SLC39A11: variants seen among roughly 807,000 people sequenced by gnomAD.
SLC39A11 encodes zinc transporter ZIP11.
In SLC39A11, 33 loss-of-function variants were observed where a neutral mutation model predicts 36.1. The ratio of observed to expected loss-of-function variants is 0.91; its 90% CI spans 0.69 to 1.22. The LOEUF is 1.22. SLC39A11 is among the 50% of genes most tolerant of loss of function. The pLI, the probability that SLC39A11 is intolerant of heterozygous loss-of-function variation, is 0.00. For synonymous variants in SLC39A11, 166 were observed against 170.3 expected (o/e 0.97, Z 0.20); for missense variants, 432 against 430.3 (o/e 1.00, Z -0.03).
intron 5 of SLC39A11, among the ~76,000 whole-genome samples, chr17:72,898,591 GACAC>G (rs1227872955): frequency 1.1e-4 from 17 of 152,120 alleles, no homozygotes. Context: ...GAAAAAAAAA[GACAC>G]ACACACCCAG....
chr17:72,781,654 C>T (rs1469967712), intron 6 of SLC39A11, among the ~76,000 whole-genome samples: 1 of 152,020 alleles, frequency 6.6e-6, no homozygotes, highest in Non-Finnish European at 1.5e-5. Flanking sequence ...CTCCTGACCT[C>T]ATGTTCTGCT....
intron 7 of SLC39A11, among the ~76,000 whole-genome samples, chr17:72,718,948 T>C (rs1303453626): frequency 6.6e-6 from 1 of 151,872 alleles, no homozygotes; most frequent in Non-Finnish European, 1.5e-5. Context: ...GTAAGTCAAA[T>C]CCTGAATCTA....
At chr17:72,939,685 C>T (rs966464253) in intron 5 of SLC39A11, among the ~76,000 whole-genome samples, 3 of 152,108 alleles carry the variant, frequency 2.0e-5, no homozygotes, top group African/African-American at 7.2e-5. Context: ...CCAGGAAACG[C>T]TGGGGGCCAA....
chr17:72,663,324 A>G (rs1253555639), intron 7 of SLC39A11, among the ~76,000 whole-genome samples: 1 of 152,192 alleles, frequency 6.6e-6, no homozygotes, highest in African/African-American at 2.4e-5. Flanking sequence ...TCTTCCCATT[A>G]CCTTTTTAAA....
At chr17:72,739,772 G>A (rs76705811) in intron 6 of SLC39A11, among the ~76,000 whole-genome samples, 306 of 152,132 alleles carry the variant, frequency 2.0e-3, no homozygotes, top group Middle Eastern at 0.01. Context: ...CTTTAAAATC[G>A]ATACGCATTT....
chr17:72,982,535 G>A (rs894243348), intron 4 of SLC39A11, among the ~76,000 whole-genome samples: 1 of 152,144 alleles, frequency 6.6e-6, no homozygotes, highest in Non-Finnish European at 1.5e-5. Context: ...TCGGTCAACT[G>A]ATAAAAGTTC....
intron 6 of SLC39A11, among the ~76,000 whole-genome samples, chr17:72,808,321 C>T (rs1349184148): frequency 6.6e-6 from 1 of 152,242 alleles, no homozygotes; most frequent in Non-Finnish European, 1.5e-5. Flanking sequence ...CTTGACATGG[C>T]AGACTCCATC....
At chr17:72,973,581 C>T (rs1283615468) in intron 4 of SLC39A11, among the ~76,000 whole-genome samples, 1 of 152,044 alleles carries the variant, frequency 6.6e-6, no homozygotes, top group Non-Finnish European at 1.5e-5. Context: ...TTTTTTGAGA[C>T]AGGGTCTCAC....
intron 3 of SLC39A11, among the ~76,000 whole-genome samples, chr17:73,066,046 G>C (rs1050252325): frequency 6.6e-6 from 1 of 152,202 alleles, no homozygotes; most frequent in Non-Finnish European, 1.5e-5. Flanking sequence ...CCAAAGGAGA[G>C]GTGGTAGACA....
intron 5 of SLC39A11, among the ~76,000 whole-genome samples, chr17:72,889,991 G>A (rs2081639997): frequency 6.6e-6 from 1 of 152,022 alleles, no homozygotes; most frequent in Admixed American, 6.6e-5. Context: ...CAGGCATGGT[G>A]GCTCACACCT....
At chr17:72,739,924 GA>G (rs1385722587) in intron 6 of SLC39A11, among the ~76,000 whole-genome samples, 1 of 151,848 alleles carries the variant, frequency 6.6e-6, no homozygotes, top group Non-Finnish European at 1.5e-5. Flanking sequence ...ACGTTACCAA[GA>G]ACATAAAGTC....
intron 1 of SLC39A11, among the ~76,000 whole-genome samples, chr17:73,089,102 AG>A (rs1445943620): frequency 1.3e-5 from 2 of 152,216 alleles, no homozygotes; most frequent in Non-Finnish European, 2.9e-5. Context: ...AAGGGGGCAT[AG>A]GAGGGTCTGA....
At chr17:72,983,877 C>T (rs914351125) in intron 4 of SLC39A11, among the ~76,000 whole-genome samples, 4 of 152,192 alleles carry the variant, frequency 2.6e-5, no homozygotes, top group Admixed American at 2.6e-4. Context: ...GATCTGCCCT[C>T]ACCATCTGGG....
intron 6 of SLC39A11, among the ~76,000 whole-genome samples, chr17:72,803,335 G>A (rs1025073517): frequency 1.3e-5 from 2 of 152,228 alleles, no homozygotes; most frequent in Non-Finnish European, 2.9e-5. Flanking sequence ...TGACCCCAAA[G>A]GCAGACTCTG....
chr17:72,898,723 T>G (rs953673978), intron 5 of SLC39A11, among the ~76,000 whole-genome samples: 1 of 152,256 alleles, frequency 6.6e-6, no homozygotes. Flanking sequence ...GACACTCATA[T>G]AGATATTCAT....
chr17:72,753,253 C>T (rs1366975093), intron 6 of SLC39A11, among the ~76,000 whole-genome samples: 5 of 152,104 alleles, frequency 3.3e-5, no homozygotes, highest in Non-Finnish European at 7.4e-5. Flanking sequence ...CAAGGTTGTG[C>T]TTTTTTTCAG....
intron 5 of SLC39A11, among the ~76,000 whole-genome samples, chr17:72,896,170 T>C (rs2082015474): frequency 6.6e-6 from 1 of 150,622 alleles, no homozygotes; most frequent in African/African-American, 2.4e-5. Flanking sequence ...AAGAGAACAT[T>C]TGGGGATTGT....
intron 6 of SLC39A11, among the ~76,000 whole-genome samples, chr17:72,760,379 C>T (rs934973670): frequency 6.6e-6 from 1 of 152,222 alleles, no homozygotes; most frequent in African/African-American, 2.4e-5. Flanking sequence ...TCCAAGAAAA[C>T]CATCTGCTTC....
chr17:72,735,282 A>G (rs1056123371), intron 7 of SLC39A11, among the ~76,000 whole-genome samples: 14 of 152,116 alleles, frequency 9.2e-5, no homozygotes, highest in African/African-American at 3.1e-4. Context: ...CATTTAACAC[A>G]CAGGGGCTCC....
Sources: allele counts gnomAD v4.1 joint callset (sites outside exome capture counted in the v4.1 genomes callset), GRCh38; gene constraint gnomAD v4.1.1; transcripts MANE v1.5; gene names NCBI Gene and HGNC (gene_info 2026-07-23, HGNC 2026-07-21).